ACO2: variants seen among roughly 807,000 people sequenced by gnomAD.
ACO2 encodes aconitate hydratase, mitochondrial.
ACO2 carries 31 observed loss-of-function variants against 84.5 expected under a neutral mutation model. The observed-to-expected ratio is 0.37, with a 90% CI of 0.28 to 0.50. The LOEUF is 0.50. Ranked by LOEUF, ACO2 falls within the 20% of genes least tolerant of loss-of-function variation. ACO2 has a pLI of 0.97. For missense variants in ACO2, 685 were observed against 1,029.3 expected (o/e 0.67, Z 4.58); for synonymous variants, 414 against 412.7 (o/e 1.00, Z -0.04).
At chr22:41,511,477 G>A (rs535140129) in intron 3 of ACO2, among the ~76,000 whole-genome samples, 22 of 152,356 alleles carry the variant, frequency 1.4e-4, no homozygotes, top group South Asian at 6.2e-4. Flanking sequence ...CAGCCACTGC[G>A]CCTAGGCCAG....
Position 41,507,829 on chromosome 22 carries a change from A to T in ACO2, c.212A>T (p.Tyr71Phe). The T allele has an allele frequency of 6.2e-7, 1 of 1,614,192 alleles. No individual in the cohort carries two copies. Among genetic ancestry groups the T allele is most frequent in the Non-Finnish European group, 8.5e-7 (1 of 1,180,032 alleles). Residue 71 changes from tyrosine to phenylalanine, a missense_variant, in exon 3 of 18, where the codon TAT becomes TTT. Physicochemically the swap from Tyr to Phe is conservative, Grantham distance 22. This residue lies in a region of ACO2 where 98 missense variants were observed against 107.6 expected (regional missense o/e 0.91). Coordinates refer to ENST00000216254, the MANE Select transcript of ACO2 (RefSeq NM_001098.3). ...CTGACACTCTCGGAGAAGATTGTGT[A>T]TGGACACCTGGATGACCCCGCCAGC... is the stretch of plus-strand genomic sequence containing the variant. ...RPLTLSEKIV[Y>F]GHLDDPASQE...
chr22:41,506,257 C>CTT (rs796107121), intron 2 of ACO2, among the ~76,000 whole-genome samples: 1 of 142,316 alleles, frequency 7.0e-6, no homozygotes, highest in Non-Finnish European at 1.5e-5. Context: ...CTGGCTCATT[C>CTT]TTTTTTTTTT....
chr22:41,509,014 G>A (rs180900840), intron 3 of ACO2, among the ~76,000 whole-genome samples: 1 of 152,286 alleles, frequency 6.6e-6, no homozygotes, highest in Admixed American at 6.5e-5. Flanking sequence ...TGGTATCCTG[G>A]CTCCACAGTG....
intron 1 of ACO2, among the ~76,000 whole-genome samples, chr22:41,494,196 G>A (rs1007124382): frequency 2.0e-5 from 3 of 152,196 alleles, no homozygotes; most frequent in Non-Finnish European, 4.4e-5. Context: ...CATTAAGCAC[G>A]GAGGTTTAAG....
At chr22:41,499,251 G>C (rs754653056) in intron 1 of ACO2, among the ~76,000 whole-genome samples, 1 of 152,148 alleles carries the variant, frequency 6.6e-6, no homozygotes, top group African/African-American at 2.4e-5. Flanking sequence ...ACATAGAGAT[G>C]AGTAAGATAA....
intron 16 of ACO2, 50 bp from the exon 17 acceptor site, chr22:41,527,851 C>G: frequency 1.2e-5 from 19 of 1,613,332 alleles, no homozygotes; most frequent in Non-Finnish European, 1.6e-5. Flanking sequence ...GAAAATGAAG[C>G]TCTCCAGGCT....
chr22:41,523,748 C>G, intron 11 of ACO2, 82 bp from the exon 12 acceptor site: 1 of 1,305,918 alleles, frequency 7.7e-7, no homozygotes, highest in Non-Finnish European at 1.1e-6. Flanking sequence ...GGCTGCGCCA[C>G]AGGAACCCAG....
At chr22:41,516,448 C>T (rs1394115156) in intron 6 of ACO2, among the ~76,000 whole-genome samples, 1 of 152,208 alleles carries the variant, frequency 6.6e-6, no homozygotes, top group Non-Finnish European at 1.5e-5. Flanking sequence ...GGCCTGGATG[C>T]CTGGTCCTCA....
chr22:41,484,387 A>G (rs1288195191), intron 1 of ACO2, among the ~76,000 whole-genome samples: 5 of 152,154 alleles, frequency 3.3e-5, no homozygotes, highest in African/African-American at 1.2e-4. Flanking sequence ...GACCCACAAG[A>G]TATCCTGTAC....
chr22:41,517,926 C>T (rs1444206100), intron 7 of ACO2, among the ~76,000 whole-genome samples: 1 of 152,218 alleles, frequency 6.6e-6, no homozygotes, highest in Non-Finnish European at 1.5e-5. Flanking sequence ...CGGCCTGGTC[C>T]CTGCTGCCCC....
intron 1 of ACO2, among the ~76,000 whole-genome samples, chr22:41,488,166 G>A (rs1296046103): frequency 5.3e-5 from 8 of 152,170 alleles, no homozygotes; most frequent in African/African-American, 1.9e-4. Context: ...TATTCTACCA[G>A]ATGGTAATCC....
chr22:41,522,948 T>C lies in ACO2; in HGVS notation c.1257T>C (p.Gly419=), dbSNP rs1601925701. ...KCKSQFTITP[G]SEQIRATIER... is the part of the protein sequence containing the mutation. ...AGTCCCAGTTCACCATCACTCCAGG[T>C]TCCGAGCAGATCCGCGCCACCATTG... The change falls in exon 10 of 18, where the codon GGT becomes GGC. Residue 419 remains glycine (G), a synonymous_variant. Coordinates refer to ENST00000216254, the MANE Select transcript of ACO2 (RefSeq NM_001098.3). The C allele has an allele frequency of 6.2e-7, 1 of 1,614,152 alleles. No homozygotes were observed. The highest frequency in any genetic ancestry group is 8.5e-7 in the Non-Finnish European group (1 of 1,180,026).
intron 1 of ACO2, among the ~76,000 whole-genome samples, chr22:41,476,343 G>T (rs1340788726): frequency 6.7e-6 from 1 of 149,384 alleles, no homozygotes; most frequent in Admixed American, 6.7e-5. Flanking sequence ...GGAGGCGGAG[G>T]TTGTACTGAG....
chr22:41,523,887 C>T lies in ACO2; in HGVS notation c.1428C>T (p.Phe476=). Residue 476 remains phenylalanine (F), a synonymous_variant, in exon 12 of 18, where the codon TTC becomes TTT. Coordinates refer to ENST00000216254, the MANE Select transcript of ACO2 (RefSeq NM_001098.3). The part of the protein sequence containing the change: ...NTIVTSYNRN[F]TGRNDANPET... ...TCGTCACCTCCTACAACAGGAACTT[C>T]ACGGGCCGCAACGACGCAAACCCCG... The T allele has an allele frequency of 6.2e-7, 1 of 1,612,568 alleles. No homozygotes were observed. The highest frequency in any genetic ancestry group is 8.5e-7 in the Non-Finnish European group (1 of 1,180,010).
chr22:41,524,098 C>T (rs1324924353), intron 12 of ACO2, among the ~76,000 whole-genome samples, 157 bp downstream of exon 12: 1 of 152,156 alleles, frequency 6.6e-6, no homozygotes, highest in Non-Finnish European at 1.5e-5. Flanking sequence ...GTGCTTCCTG[C>T]CTGGGGCTCC....
chr22:41,516,020 CTG>C, intron 6 of ACO2, 103 bp downstream of exon 6: 1 of 1,464,638 alleles, frequency 6.8e-7, no homozygotes, highest in Non-Finnish European at 9.4e-7. Flanking sequence ...GAGAATCTGT[CTG>C]TTCCATTTGG....
chr22:41,507,673 T>A (rs1319226240), intron 2 of ACO2, 118 bp from the exon 3 acceptor site: 5 of 1,418,752 alleles, frequency 3.5e-6, no homozygotes, highest in Non-Finnish European at 4.7e-6. Flanking sequence ...AGGTCCTGAG[T>A]TCAGACTCCC....
intron 2 of ACO2, among the ~76,000 whole-genome samples, chr22:41,506,835 G>T (rs774743609): frequency 6.6e-6 from 1 of 152,052 alleles, no homozygotes; most frequent in African/African-American, 2.4e-5. Flanking sequence ...TGAGAATTCT[G>T]GGGGGCAGAG....
chr22:41,503,215 T>C (rs2066365984), intron 2 of ACO2, among the ~76,000 whole-genome samples: 1 of 152,246 alleles, frequency 6.6e-6, no homozygotes, highest in Non-Finnish European at 1.5e-5. Context: ...TGCTTACTTT[T>C]ATTCCAACCT....
Sources: allele counts gnomAD v4.1 joint callset (sites outside exome capture counted in the v4.1 genomes callset), GRCh38; gene constraint gnomAD v4.1.1; regional missense constraint gnomAD v4.1.1; transcripts MANE v1.5; gene names NCBI Gene and HGNC (gene_info 2026-07-23, HGNC 2026-07-21).